Variants in SLC9C1 observed in about 807,000 individuals in gnomAD.
The protein encoded by SLC9C1 is solute carrier family 9 member C1.
A neutral mutation model predicts 140.9 loss-of-function variants in SLC9C1; 97 were observed. The ratio of observed to expected loss-of-function variants is 0.69; its 90% CI spans 0.58 to 0.82. The LOEUF is 0.82. SLC9C1 is among the 40% of genes least tolerant of loss of function. The pLI is 0.00. For synonymous variants in SLC9C1, 440 were observed against 442.6 expected, an observed-to-expected ratio of 0.99 and a Z score of 0.07; for missense variants, 1,340 against 1,389.3, an observed-to-expected ratio of 0.96 and a Z score of 0.56.
At chr3:112,237,955 A>G (rs4340679) in intron 12 of SLC9C1, among the ~76,000 whole-genome samples, 151,456 of 152,212 alleles carry the variant, frequency 1, 75,356 homozygotes, top group Middle Eastern at 1. Flanking sequence ...TCTTCTCGAG[A>G]AGTATCTTTG....
chr3:112,208,159 C>G lies in SLC9C1; in HGVS notation c.1986+19G>C. ...GTCAGACATATAACACTTCCATACA[C>G]ACATAAATTTTAGATTACCTTAAGT... On this transcript the variant is annotated intron_variant, in intron 16 of 28. Coordinates refer to ENST00000305815, the MANE Select transcript of SLC9C1 (RefSeq NM_183061.3). The G allele has an allele frequency of 6.4e-7, 1 of 1,558,558 alleles. No homozygotes were observed. The highest frequency in any genetic ancestry group is 8.7e-7 in the Non-Finnish European group (1 of 1,151,022).
intron 20 of SLC9C1, among the ~76,000 whole-genome samples, chr3:112,188,077 C>T (rs2077573915): frequency 6.6e-6 from 1 of 152,116 alleles, no homozygotes; most frequent in Non-Finnish European, 1.5e-5. Context: ...ACCACACTTG[C>T]ATGGCCATAC....
At chr3:112,149,322 C>T (rs10222396) in intron 28 of SLC9C1, among the ~76,000 whole-genome samples, 1,574 of 151,360 alleles carry the variant, frequency 0.01, 25 homozygotes, top group African/African-American at 0.035. Flanking sequence ...CTCTGAATGC[C>T]GGTGATCTGC....
intron 13 of SLC9C1, among the ~76,000 whole-genome samples, chr3:112,229,359 A>G (rs1394452850): frequency 6.6e-6 from 1 of 152,118 alleles, no homozygotes; most frequent in East Asian, 1.9e-4. Context: ...GAAACAATAA[A>G]GGTTTGAAGT....
intron 15 of SLC9C1, among the ~76,000 whole-genome samples, chr3:112,211,987 G>A (rs766200501): frequency 3.9e-5 from 6 of 152,192 alleles, no homozygotes; most frequent in Non-Finnish European, 7.3e-5. Context: ...TCACAAGGCC[G>A]AGTAACCCTC....
intron 20 of SLC9C1, among the ~76,000 whole-genome samples, chr3:112,189,063 T>A: frequency 6.8e-6 from 1 of 147,568 alleles, no homozygotes; most frequent in Admixed American, 6.7e-5. Flanking sequence ...TTTGCCCACT[T>A]TTTGATGGGG....
chr3:112,198,896 A>T (rs1016109729), intron 20 of SLC9C1, among the ~76,000 whole-genome samples: 2 of 151,800 alleles, frequency 1.3e-5, no homozygotes, highest in African/African-American at 4.8e-5. Flanking sequence ...TCTATCCTTT[A>T]TATGTCATAG....
Position 112,208,362 on chromosome 3 carries a change from A to G in SLC9C1, c.1802T>C (p.Phe601Ser), listed in dbSNP as rs754869245. ...EKEGPSKYFFFRICHTIVFTE... is the reference protein window; with the variant it reads ...EKEGPSKYFFSRICHTIVFTE... ...AAATACTATTGTATGGCATATACGA[A>G]AAAAGAAGTATCTGTAAAACAAAAA... The change falls in exon 16 of 29, where the codon TTT (phenylalanine) becomes TCT (serine). Residue 601 changes from phenylalanine (F) to serine (S), a missense_variant. Coordinates refer to ENST00000305815, the MANE Select transcript of SLC9C1 (RefSeq NM_183061.3). 6.5e-7 allele frequency: 1 copy of G among 1,547,390 alleles called. No homozygotes were observed. Among genetic ancestry groups the G allele is most frequent in the Non-Finnish European group, 8.7e-7 (1 of 1,148,568 alleles).
At chr3:112,277,615 CA>C (rs2080249826) in intron 5 of SLC9C1, 79 bp downstream of exon 5, 3 of 1,271,880 alleles carry the variant, frequency 2.4e-6, no homozygotes, top group Non-Finnish European at 3.1e-6. Flanking sequence ...GAAAAGCTAC[CA>C]AAAGCAAAAG....
At chr3:112,259,217 T>C (rs2079699335) in intron 10 of SLC9C1, among the ~76,000 whole-genome samples, 1 of 152,130 alleles carries the variant, frequency 6.6e-6, no homozygotes, top group Admixed American at 6.5e-5. Flanking sequence ...ATACTGCATG[T>C]TCTTACTTAT....
In SLC9C1 at chr3:112,208,251, A is replaced by G. The variant is rs1466423428; in HGVS notation, c.1913T>C (p.Val638Ala). 2 of 1,612,306 alleles carry G rather than the reference A, an allele frequency of 1.2e-6. No individual in the cohort carries two copies. The highest frequency in any genetic ancestry group is 1.7e-6 in the Non-Finnish European group (2 of 1,179,076). ...GTGTTTTAATTCGCTGTGGTAGATT[A>G]CATTTAACTGGGATATCCAAGAGAT... The part of the protein sequence containing the change: ...FIISWISQLN[V>A]IYHSELKHTN... Residue 638 changes from valine to alanine, a missense_variant, in exon 16 of 29, where the codon GTA (valine) becomes GCA (alanine). Coordinates refer to ENST00000305815, the MANE Select transcript of SLC9C1 (RefSeq NM_183061.3).
chr3:112,155,050 C>T lies in SLC9C1; in HGVS notation c.3365-1G>A, dbSNP rs1262110743. 3.1e-5 allele frequency: 47 copies of T among 1,517,480 alleles called. No homozygotes were observed. The highest frequency in any genetic ancestry group is 4.1e-5 in the Non-Finnish European group (47 of 1,137,166). The allele number at this position is 1,517,480 out of a possible 1,614,324, so 94.0% of individuals were successfully genotyped here. ...CCTTCTTCCAATGTTCCAACTGAACCTGATTAAAAAAAAAAAAAACAGTGT... is the reference window on the plus strand; with the variant it reads ...CCTTCTTCCAATGTTCCAACTGAACTTGATTAAAAAAAAAAAAAACAGTGT... On this transcript the variant is annotated splice_acceptor_variant, in intron 26 of 28. Coordinates refer to ENST00000305815, the MANE Select transcript of SLC9C1 (RefSeq NM_183061.3). LOFTEE classifies it high-confidence loss of function.
intron 15 of SLC9C1, among the ~76,000 whole-genome samples, chr3:112,213,485 A>T (rs2078265995): frequency 6.6e-6 from 1 of 152,168 alleles, no homozygotes; most frequent in African/African-American, 2.4e-5. Context: ...AGACACACAT[A>T]GGCTCAAAAT....
intron 2 of SLC9C1, among the ~76,000 whole-genome samples, chr3:112,283,477 TAAA>T (rs200690332): frequency 2.5e-5 from 2 of 80,564 alleles, no homozygotes; most frequent in Admixed American, 1.5e-4. Context: ...ACCCTATCTC[TAAA>T]AAAAAAAAAA....
chr3:112,207,749 C>T (rs984147785), intron 16 of SLC9C1, among the ~76,000 whole-genome samples: 1 of 152,168 alleles, frequency 6.6e-6, no homozygotes, highest in East Asian at 1.9e-4. Flanking sequence ...TACCTTCCTT[C>T]TCCGACCCTA....
At chr3:112,169,996 A>G (rs888975006) in intron 23 of SLC9C1, among the ~76,000 whole-genome samples, 2 of 152,178 alleles carry the variant, frequency 1.3e-5, no homozygotes, top group Non-Finnish European at 2.9e-5. Flanking sequence ...TCAACTCAAC[A>G]TGGATTAAAG....
chr3:112,279,508 A>G (rs2080304114), intron 3 of SLC9C1, among the ~76,000 whole-genome samples: 1 of 152,218 alleles, frequency 6.6e-6, no homozygotes, highest in African/African-American at 2.4e-5. Flanking sequence ...CAAGACGAAG[A>G]AAGAAGTTTC....
intron 18 of SLC9C1, among the ~76,000 whole-genome samples, chr3:112,201,536 G>A (rs571052986): frequency 4.6e-5 from 7 of 152,018 alleles, no homozygotes; most frequent in South Asian, 4.1e-4. Flanking sequence ...GTTTTAAATC[G>A]TCTTGAAAAG....
chr3:112,151,733 A>T (rs2074986381), intron 28 of SLC9C1, 124 bp downstream of exon 28: 5 of 731,864 alleles, frequency 6.8e-6, no homozygotes, highest in Non-Finnish European at 1.2e-5. Context: ...TAGAAGAATC[A>T]TCTGACTAGT....
Sources: allele counts gnomAD v4.1 joint callset (sites outside exome capture counted in the v4.1 genomes callset), GRCh38; gene constraint gnomAD v4.1.1; transcripts MANE v1.5; gene names NCBI Gene and HGNC (gene_info 2026-07-23, HGNC 2026-07-21).